SCN3A: variants seen among roughly 807,000 people sequenced by gnomAD.
The protein encoded by SCN3A is sodium channel protein type 3 subunit alpha.
Under a neutral mutation model 187.6 loss-of-function variants are expected in SCN3A, and 60 were observed. That is an observed-to-expected ratio of 0.32 (90% CI 0.26 to 0.40). The LOEUF is 0.40. Ranked by LOEUF, SCN3A falls within the 10% of genes least tolerant of loss-of-function variation. The pLI, the probability that SCN3A is intolerant of heterozygous loss-of-function variation, is 1.00. For synonymous variants in SCN3A, 788 were observed against 829.2 expected (o/e 0.95, Z 0.85); for missense variants, 1,601 against 2,428.2 (o/e 0.66, Z 7.16).
chr2:165,176,713 C>T (rs1690492570), intron 2 of SCN3A, among the ~76,000 whole-genome samples: 1 of 151,996 alleles, frequency 6.6e-6, no homozygotes. Flanking sequence ...AATATATAAA[C>T]ATTATATTTT....
intron 15 of SCN3A, among the ~76,000 whole-genome samples, chr2:165,137,308 TCTTA>T (rs1687723009): frequency 6.6e-6 from 1 of 152,168 alleles, no homozygotes; most frequent in African/African-American, 2.4e-5. Context: ...TAAACCCTTT[TCTTA>T]CTTGTTCACC....
At chr2:165,179,304 A>T (rs796221733) in intron 2 of SCN3A, among the ~76,000 whole-genome samples, 16 of 152,320 alleles carry the variant, frequency 1.1e-4, no homozygotes, top group African/African-American at 3.8e-4. Context: ...AGTATCATTG[A>T]GGCACCTCAA....
intron 1 of SCN3A, among the ~76,000 whole-genome samples, chr2:165,197,586 G>GTT (rs544679569): frequency 1.4e-5 from 2 of 140,258 alleles, no homozygotes; most frequent in South Asian, 2.2e-4. Context: ...CTTTAGCTGT[G>GTT]TTTTTTTTTT....
At chr2:165,170,609 CATACAT>C (rs1311437140) in intron 3 of SCN3A, 61 bp from the exon 4 acceptor site, 21 of 1,002,514 alleles carry the variant, frequency 2.1e-5, no homozygotes, top group Non-Finnish European at 3.3e-5. Context: ...AAAGAGCTTA[CATACAT>C]GAAGAACTTT....
chr2:165,146,379 TA>T (rs1688324847), intron 12 of SCN3A, among the ~76,000 whole-genome samples: 1 of 85,668 alleles, frequency 1.2e-5, no homozygotes, highest in East Asian at 3.8e-4. Context: ...TATATATATA[TA>T]TATGTGTGTG....
At chr2:165,163,220 AGTCTCAT>A (rs140795) in intron 7 of SCN3A, among the ~76,000 whole-genome samples, 34,221 of 151,732 alleles carry the variant, frequency 0.23, 5,015 homozygotes, top group East Asian at 0.52. Context: ...AAATAATGTA[AGTCTCAT>A]GTCTCATGCC....
At chr2:165,115,026 T>C (rs1686291300) in intron 19 of SCN3A, among the ~76,000 whole-genome samples, 1 of 152,126 alleles carries the variant, frequency 6.6e-6, no homozygotes, top group Admixed American at 6.6e-5. Context: ...CTTCACTATT[T>C]ATTTTAAATA....
At chr2:165,143,357 T>A (rs529451322) in intron 12 of SCN3A, among the ~76,000 whole-genome samples, 75 of 152,240 alleles carry the variant, frequency 4.9e-4, no homozygotes, top group African/African-American at 1.7e-3. Flanking sequence ...TGGTTGGGAG[T>A]ATGTGGTACG....
intron 23 of SCN3A, 137 bp from the exon 24 acceptor site, chr2:165,096,657 A>G (rs542624817): frequency 5.1e-6 from 3 of 588,544 alleles, no homozygotes; most frequent in Non-Finnish European, 9.0e-6. Context: ...AGATTGAAAT[A>G]AAATTGAAAT....
chr2:165,140,965 G>C lies in SCN3A; in HGVS notation c.1705C>G (p.Pro569Ala). The change falls in exon 13 of 28, where the codon CCA becomes GCA. Residue 569 changes from proline to alanine, a missense_variant. This residue lies in a region of SCN3A where 376 missense variants were observed against 476.0 expected (regional missense o/e 0.79). Coordinates refer to ENST00000283254, the MANE Select transcript of SCN3A (RefSeq NM_006922.4). This position sits in a 1 kb window ranked among gnomAD's most constrained non-coding sequence, Gnocchi z 4.2. ...ATGCTTGTTTTGCTATTGCGTCTTG[G>C]GGAAAACAGGGAGCCACGGATACTC... ...LLSIRGSLFS[P>A]RRNSKTSIFS... 1 of 1,613,896 alleles carries C rather than the reference G, an allele frequency of 6.2e-7. No homozygotes were observed. Among genetic ancestry groups the C allele is most frequent in the Non-Finnish European group, 8.5e-7 (1 of 1,179,942 alleles).
At chr2:165,096,826 T>G (rs766168809) in intron 23 of SCN3A, among the ~76,000 whole-genome samples, 54 of 152,206 alleles carry the variant, frequency 3.5e-4, no homozygotes, top group Non-Finnish European at 6.8e-4. Context: ...CTCTATGATT[T>G]GCATTTTGAC....
chr2:165,139,648 A>G lies in SCN3A; in HGVS notation c.2020-40T>C, dbSNP rs560964392. The G allele has an allele frequency of 9.3e-6, 15 of 1,612,404 alleles. No individual in the cohort carries two copies. In the African/African-American group the frequency reaches 1.6e-4, roughly 17 times the overall value. ...CTGATGGCTCAAACCACTCTTCCCA[A>G]TAAGTAATACAACACCACATAGCAT... On this transcript the variant is annotated intron_variant, in intron 13 of 27. Coordinates refer to ENST00000283254, the MANE Select transcript of SCN3A (RefSeq NM_006922.4).
At chr2:165,173,237 T>G (rs148657959) in intron 3 of SCN3A, among the ~76,000 whole-genome samples, 1 of 152,228 alleles carries the variant, frequency 6.6e-6, no homozygotes, top group Non-Finnish European at 1.5e-5. Flanking sequence ...AGCCAATTTT[T>G]TAACTTTCCC....
chr2:165,097,252 C>A lies in SCN3A; in HGVS notation c.4239G>T (p.Val1413=). Residue 1413 remains valine (V), a splice_region_variant and synonymous_variant, in exon 23 of 28, where the codon GTG becomes GTT. Transcript: ENST00000283254. ...CAAAACTCGTACAGTAGCCACTTAC[C>A]ACTTGAAGCAGTGCAAGATAGCCAG... ...VGAGYLALLQ[V]ATFKGWMDIM... The A allele has an allele frequency of 6.2e-7, 1 of 1,613,938 alleles. No individual in the cohort carries two copies. Among genetic ancestry groups the A allele is most frequent in the South Asian group, 1.1e-5 (1 of 91,056 alleles).
intron 25 of SCN3A, among the ~76,000 whole-genome samples, chr2:165,094,730 G>T (rs1300459356): frequency 1.3e-5 from 2 of 152,114 alleles, no homozygotes; most frequent in East Asian, 1.9e-4. Context: ...AGGCACAAGG[G>T]TCTCAAATAT....
At chr2:165,132,677 C>G (rs760633692) in intron 15 of SCN3A, among the ~76,000 whole-genome samples, 17 of 152,022 alleles carry the variant, frequency 1.1e-4, no homozygotes, top group Non-Finnish European at 2.4e-4. Flanking sequence ...CCATAAAAAC[C>G]CTAGAAGAAA....
chr2:165,162,233 A>T (rs73021824), intron 9 of SCN3A, 75 bp downstream of exon 9: 1 of 1,299,896 alleles, frequency 7.7e-7, no homozygotes, highest in African/African-American at 1.5e-5. Flanking sequence ...ACATATAACC[A>T]TGTAGTTGTT....
At chr2:165,144,408 A>G (rs1688200323) in intron 12 of SCN3A, among the ~76,000 whole-genome samples, 1 of 152,198 alleles carries the variant, frequency 6.6e-6, no homozygotes, top group Non-Finnish European at 1.5e-5. Flanking sequence ...TTCTGCTTTT[A>G]GTATTAAAAC....
rs775233960 is a variant in SCN3A, at chr2:165,162,268, A to G, written c.1031+40T>C. ...TTTCCTACCTACTTTTTTTTTTCGC[A>G]AAGAGTTCTATATCTTAAAAAATAT... On this transcript the variant is annotated intron_variant, in intron 9 of 27. Coordinates refer to ENST00000283254, the MANE Select transcript of SCN3A (RefSeq NM_006922.4). 4.8e-5 allele frequency: 75 copies of G among 1,553,606 alleles called. No individual in the cohort carries two copies. The East Asian group carries it at 1.6e-3, about 33-fold the overall frequency.
Sources: allele counts gnomAD v4.1 joint callset (sites outside exome capture counted in the v4.1 genomes callset), GRCh38; gene constraint gnomAD v4.1.1; regional missense constraint gnomAD v4.1.1; non-coding constraint Gnocchi (gnomAD v3.1); transcripts MANE v1.5; gene names NCBI Gene and HGNC (gene_info 2026-07-23, HGNC 2026-07-21).